The following TRAPPC9 variants were observed in gnomAD, a reference collection of about 807,000 sequenced individuals.
The protein encoded by TRAPPC9 is trafficking protein particle complex subunit 9, also known as IKK2 binding protein.
In TRAPPC9, 83 loss-of-function variants were observed where a neutral mutation model predicts 124.0. The observed-to-expected ratio is 0.67, with a 90% CI of 0.56 to 0.80. TRAPPC9 has a LOEUF of 0.80. TRAPPC9 is among the 30% of genes least tolerant of loss of function. TRAPPC9 has a pLI of 0.00. For synonymous variants in TRAPPC9, 638 were observed against 617.5 expected (o/e 1.03, Z -0.49); for missense variants, 1,302 against 1,508.3 (o/e 0.86, Z 2.27).
intron 11 of TRAPPC9, among the ~76,000 whole-genome samples, chr8:140,299,673 G>A (rs1185649023): frequency 6.6e-6 from 1 of 152,222 alleles, no homozygotes; most frequent in Admixed American, 6.5e-5. Context: ...CCTCGGGCAT[G>A]TCTTTGTGGC....
chr8:140,204,444 T>A (rs1204508730), intron 17 of TRAPPC9, among the ~76,000 whole-genome samples: 2 of 115,134 alleles, frequency 1.7e-5, no homozygotes, highest in Middle Eastern at 6.8e-3. Flanking sequence ...GGACATAGGA[T>A]GGGGAACATC....
At chr8:139,971,023 C>A (rs749334287) in intron 19 of TRAPPC9, among the ~76,000 whole-genome samples, 2 of 151,980 alleles carry the variant, frequency 1.3e-5, no homozygotes, top group African/African-American at 2.4e-5. Context: ...CTAAACCCTG[C>A]CAAATTCTCC....
Position 140,284,028 on chromosome 8 carries a change from T to A in TRAPPC9, c.1982-7A>T. On this transcript the variant is annotated splice_polypyrimidine_tract_variant and splice_region_variant and intron_variant, in intron 13 of 22. Coordinates refer to ENST00000438773, the MANE Select transcript of TRAPPC9 (RefSeq NM_001160372.4). ...AAGACCGTGGTATGGTAACCTGGAA[T>A]AGAAAAGGAACTTCTTCACTCCACT... is the stretch of plus-strand genomic sequence containing the variant. The A allele has an allele frequency of 1.2e-6, 2 of 1,613,950 alleles. No homozygotes were observed. The highest frequency in any genetic ancestry group is 1.7e-6 in the Non-Finnish European group (2 of 1,179,904).
intron 17 of TRAPPC9, among the ~76,000 whole-genome samples, chr8:140,134,312 G>A (rs1245166450): frequency 6.6e-6 from 1 of 152,046 alleles, no homozygotes; most frequent in Non-Finnish European, 1.5e-5. Flanking sequence ...TGTCACCCAG[G>A]CTAGAATGCT....
chr8:139,980,226 G>T (rs994804395), intron 19 of TRAPPC9, among the ~76,000 whole-genome samples: 2 of 152,018 alleles, frequency 1.3e-5, no homozygotes, highest in Admixed American at 6.5e-5. Flanking sequence ...TGCCTAAACG[G>T]GCCCAGCTAC....
chr8:140,083,319 G>A (rs933135412), intron 17 of TRAPPC9, among the ~76,000 whole-genome samples: 9 of 152,166 alleles, frequency 5.9e-5, no homozygotes, highest in Non-Finnish European at 1.0e-4. Flanking sequence ...AATAAATGGG[G>A]CAGTATCTCA....
chr8:139,759,790 A>G (rs1820100436), intron 21 of TRAPPC9, among the ~76,000 whole-genome samples: 2 of 152,134 alleles, frequency 1.3e-5, no homozygotes, highest in African/African-American at 4.8e-5. Context: ...GCCCTCCCCC[A>G]GTCAGTCCTG....
At chr8:139,919,115 G>C (rs559651671) in intron 19 of TRAPPC9, among the ~76,000 whole-genome samples, 134 of 152,348 alleles carry the variant, frequency 8.8e-4, no homozygotes, top group East Asian at 6.6e-3. Flanking sequence ...TGGCGCCCGG[G>C]CTAGTGTCCC....
At chr8:140,331,617 A>AACATCATC (rs111563641) in intron 9 of TRAPPC9, among the ~76,000 whole-genome samples, 3 of 150,610 alleles carry the variant, frequency 2.0e-5, no homozygotes, top group African/African-American at 7.3e-5. Context: ...AACAGCAAAA[A>AACATCATC]ATCATCATCA....
chr8:139,943,592 C>T (rs1834037668), intron 19 of TRAPPC9, among the ~76,000 whole-genome samples: 1 of 152,160 alleles, frequency 6.6e-6, no homozygotes, highest in African/African-American at 2.4e-5. Flanking sequence ...TGAGAGAATA[C>T]AGACGTTGCA....
At chr8:140,356,530 A>G (rs530419702) in intron 9 of TRAPPC9, among the ~76,000 whole-genome samples, 37 of 151,814 alleles carry the variant, frequency 2.4e-4, no homozygotes, top group Admixed American at 5.2e-4. Flanking sequence ...CTTGAGAAAT[A>G]CAAACTCCAA....
At chr8:139,836,045 G>A (rs1010250139) in intron 21 of TRAPPC9, among the ~76,000 whole-genome samples, 45 of 151,512 alleles carry the variant, frequency 3.0e-4, no homozygotes, top group East Asian at 1.9e-3. Context: ...GTCTCACTCC[G>A]TCGCCCAGGC....
Position 139,742,765 on chromosome 8 carries a change from C to A in TRAPPC9, c.3056-10563G>T, listed in dbSNP as rs1818650472. Among the ~76,000 whole-genome samples the A allele has an allele frequency of 6.6e-6, 1 of 152,146 alleles. No individual in the cohort carries two copies. The highest frequency in any genetic ancestry group is 1.5e-5 in the Non-Finnish European group (1 of 68,032). ...CTGCAGGCTGGGTGGGGGTAGGCAGCTGGCAGACACTCCTGGCACCCAGGA... is the reference window on the plus strand; with the variant it reads ...CTGCAGGCTGGGTGGGGGTAGGCAGATGGCAGACACTCCTGGCACCCAGGA... On this transcript the variant is annotated intron_variant, in intron 21 of 22. Coordinates refer to ENST00000438773, the MANE Select transcript of TRAPPC9 (RefSeq NM_001160372.4). This position sits in a 1 kb window ranked among gnomAD's most constrained non-coding sequence, Gnocchi z 4.7.
chr8:140,073,386 A>T (rs1270876082), intron 17 of TRAPPC9, among the ~76,000 whole-genome samples: 1 of 152,248 alleles, frequency 6.6e-6, no homozygotes, highest in Non-Finnish European at 1.5e-5. Flanking sequence ...AAAAGAAATG[A>T]ACTACTGATA....
chr8:139,795,246 C>T (rs1394361482), intron 21 of TRAPPC9, among the ~76,000 whole-genome samples: 1 of 152,174 alleles, frequency 6.6e-6, no homozygotes, highest in African/African-American at 2.4e-5. Flanking sequence ...TTGCATTGTG[C>T]CCACAACCCC....
intron 20 of TRAPPC9, among the ~76,000 whole-genome samples, chr8:139,900,123 C>CA (rs1830927304): frequency 6.6e-6 from 1 of 152,226 alleles, no homozygotes; most frequent in Admixed American, 6.5e-5. Flanking sequence ...AAAGTCCCAA[C>CA]ACCCCAGCAC....
chr8:140,154,297 A>AT (rs1563801932), intron 17 of TRAPPC9, among the ~76,000 whole-genome samples: 1 of 151,694 alleles, frequency 6.6e-6, no homozygotes, highest in East Asian at 1.9e-4. Context: ...AAATCCACCC[A>AT]TTTCTCTCTG....
intron 15 of TRAPPC9, among the ~76,000 whole-genome samples, chr8:140,271,031 A>T (rs1183265460): frequency 6.6e-6 from 1 of 152,224 alleles, no homozygotes; most frequent in Non-Finnish European, 1.5e-5. Context: ...GTAAGGAAAA[A>T]ATGTTTTCCA....
chr8:140,442,490 C>A (rs908901703), intron 2 of TRAPPC9, among the ~76,000 whole-genome samples: 1 of 151,052 alleles, frequency 6.6e-6, no homozygotes, highest in Middle Eastern at 3.2e-3. Flanking sequence ...CCCAGCTACT[C>A]GGGAGGCTGA....
Sources: gnomAD v4.1 joint callset for allele counts (sites outside exome capture counted in the v4.1 genomes callset) on GRCh38, gnomAD v4.1.1 for gene constraint, Gnocchi (gnomAD v3.1) non-coding constraint, MANE v1.5 for transcripts, NCBI Gene and HGNC (gene_info 2026-07-23, HGNC 2026-07-21) for gene names.